FAT3: variants seen among roughly 807,000 people sequenced by gnomAD.
FAT3 encodes the protein FAT atypical cadherin 3.
Under a neutral mutation model 310.2 loss-of-function variants are expected in FAT3, and 95 were observed. The ratio of observed to expected loss-of-function variants is 0.31; its 90% CI spans 0.26 to 0.36. The LOEUF is 0.36. Among genes scored for constraint, FAT3 ranks in the 10% least tolerant of loss-of-function variants. The pLI, the probability that FAT3 is intolerant of heterozygous loss-of-function variation, is 1.00. For missense variants in FAT3, 5,408 were observed against 5,715.6 expected, an observed-to-expected ratio of 0.95 and a Z score of 1.74; for synonymous variants, 2,314 against 2,192.9, an observed-to-expected ratio of 1.06 and a Z score of -1.54.
At chr11:92,685,216 A>T (rs1008093098) in intron 3 of FAT3, among the ~76,000 whole-genome samples, 6 of 152,354 alleles carry the variant, frequency 3.9e-5, no homozygotes, top group African/African-American at 1.4e-4. Context: ...AAAAGTAAAA[A>T]CAAAAGAGGA....
chr11:92,225,570 C>T (rs927093206), intron 1 of FAT3, among the ~76,000 whole-genome samples: 7 of 152,074 alleles, frequency 4.6e-5, no homozygotes, highest in Non-Finnish European at 8.8e-5. Context: ...GCTTGGCAGC[C>T]GGTGCCTCTC....
At chr11:92,660,729 C>T (rs564650162) in intron 3 of FAT3, among the ~76,000 whole-genome samples, 35 of 152,272 alleles carry the variant, frequency 2.3e-4, no homozygotes, top group Non-Finnish European at 8.8e-5. Flanking sequence ...TGGACATGGC[C>T]TTTTCTTGTT....
At position 92,717,294 on chromosome 11, in the gene FAT3, G is replaced by A. The variant is rs78583519; in HGVS notation, c.3669+19849G>A. Among the ~76,000 whole-genome samples, 1,481 of 152,304 alleles carry A rather than the reference G, an allele frequency of 9.7e-3. 22 individuals are homozygous for A. The highest frequency in any genetic ancestry group is 0.034 in the African/African-American group (1,416 of 41,566). On this transcript the variant is annotated intron_variant, in intron 4 of 27. Coordinates refer to ENST00000525166, the MANE Select transcript of FAT3 (RefSeq NM_001367949.2). ...GGCATTTTGAGGACTAGGAAAAGTA[G>A]CAATATCCCTTGTTAAATAGACATG...
intron 2 of FAT3, among the ~76,000 whole-genome samples, chr11:92,382,443 C>T (rs1057414368): frequency 6.6e-6 from 1 of 152,108 alleles, no homozygotes; most frequent in Non-Finnish European, 1.5e-5. Flanking sequence ...CCTGCTGAGG[C>T]GCTGTCTCCC....
chr11:92,404,716 C>T (rs1030554000), intron 2 of FAT3, among the ~76,000 whole-genome samples: 3 of 151,872 alleles, frequency 2.0e-5, no homozygotes, highest in Non-Finnish European at 4.4e-5. Context: ...TGTGAGGATG[C>T]TTCTGAATAG....
intron 4 of FAT3, among the ~76,000 whole-genome samples, chr11:92,740,046 A>G (rs539791960): frequency 2.5e-3 from 388 of 152,306 alleles, no homozygotes; most frequent in Non-Finnish European, 4.0e-3. Context: ...GAATATATCC[A>G]TTAAGCACGA....
chr11:92,822,922 C>T (rs1948007795), intron 13 of FAT3, among the ~76,000 whole-genome samples: 3 of 152,166 alleles, frequency 2.0e-5, no homozygotes, highest in Admixed American at 6.5e-5. Flanking sequence ...ATTTGTAATG[C>T]CCTTTCTTCT....
At chr11:92,741,317 A>G (rs1483029492) in intron 4 of FAT3, among the ~76,000 whole-genome samples, 3 of 152,040 alleles carry the variant, frequency 2.0e-5, no homozygotes, top group Admixed American at 2.0e-4. Flanking sequence ...CTGGTGTTGA[A>G]CTACCACATA....
At position 92,353,700 on chromosome 11, in the gene FAT3, A is replaced by C; in HGVS notation, c.1588A>C (p.Thr530Pro). The change falls in exon 2 of 28, where the codon ACA becomes CCA. Residue 530 changes from threonine to proline, a missense_variant. Transcript: ENST00000525166. The stretch of plus-strand genomic sequence containing the variant: ...TAATCAGTTTACAGGTGTTATTAGC[A>C]CAACTGAAGAACTGGATTTTGAATC... ...VINQFTGVISTTEELDFESSP... is the reference protein window; with the variant it reads ...VINQFTGVISPTEELDFESSP... 2.5e-6 allele frequency: 4 copies of C among 1,613,956 alleles called. No homozygotes were observed. Among genetic ancestry groups the C allele is most frequent in the Non-Finnish European group, 3.4e-6 (4 of 1,179,878 alleles).
intron 2 of FAT3, among the ~76,000 whole-genome samples, chr11:92,463,666 G>C (rs138988179): frequency 1.3e-5 from 2 of 152,032 alleles, no homozygotes; most frequent in Non-Finnish European, 2.9e-5. Flanking sequence ...AGACTCACTG[G>C]ATCAGCTGTT....
At chr11:92,374,030 GGAGAGAGAGA>G (rs58680206) in intron 2 of FAT3, among the ~76,000 whole-genome samples, 2 of 142,136 alleles carry the variant, frequency 1.4e-5, no homozygotes, top group African/African-American at 5.3e-5. Context: ...ACAGAGAGAG[GGAGAGAGAGA>G]GAGAGAGAGA....
At chr11:92,761,573 T>C (rs1946152323) in intron 4 of FAT3, among the ~76,000 whole-genome samples, 1 of 152,192 alleles carries the variant, frequency 6.6e-6, no homozygotes, top group Non-Finnish European at 1.5e-5. Context: ...CTCTAGTGTT[T>C]CTTTGTCTTT....
chr11:92,316,816 T>C (rs1169858443), intron 1 of FAT3, among the ~76,000 whole-genome samples: 1 of 152,182 alleles, frequency 6.6e-6, no homozygotes, highest in Non-Finnish European at 1.5e-5. Context: ...CTCAGTAAAC[T>C]ATTTAATAGC....
intron 1 of FAT3, among the ~76,000 whole-genome samples, chr11:92,283,250 T>C (rs1022085378): frequency 6.6e-6 from 1 of 152,194 alleles, no homozygotes; most frequent in Non-Finnish European, 1.5e-5. Context: ...CTGAGACTTA[T>C]TAGTCAGTGA....
intron 4 of FAT3, among the ~76,000 whole-genome samples, chr11:92,730,220 C>G (rs1027383338): frequency 6.6e-6 from 1 of 152,054 alleles, no homozygotes; most frequent in Non-Finnish European, 1.5e-5. Context: ...TGCCTGTAGT[C>G]CTAGCTACTC....
intron 4 of FAT3, chr11:92,748,957 T>C (rs1393839462): frequency 6.6e-6 from 1 of 152,202 alleles, no homozygotes; most frequent in African/African-American, 2.4e-5. Flanking sequence ...AGCACTTGTC[T>C]TCCCAGGAAT....
intron 2 of FAT3, among the ~76,000 whole-genome samples, chr11:92,437,845 C>A (rs1313110924): frequency 7.2e-5 from 11 of 152,082 alleles, no homozygotes; most frequent in Non-Finnish European, 4.4e-5. Flanking sequence ...AGATTTCAAT[C>A]ATTAGTCTGG....
chr11:92,700,136 G>T (rs1944054104), intron 4 of FAT3, among the ~76,000 whole-genome samples: 1 of 152,180 alleles, frequency 6.6e-6, no homozygotes. Flanking sequence ...CCATGATAGT[G>T]CCTGAAAGCG....
chr11:92,809,820 C>G (rs1184270050), intron 12 of FAT3, 23 bp from the exon 13 acceptor site: 3 of 1,585,890 alleles, frequency 1.9e-6, no homozygotes, highest in Non-Finnish European at 2.6e-6. Flanking sequence ...TCAGACCAAT[C>G]ATGCTGCCAT....
Sources: allele counts gnomAD v4.1 joint callset (sites outside exome capture counted in the v4.1 genomes callset), GRCh38; gene constraint gnomAD v4.1.1; transcripts MANE v1.5; gene names NCBI Gene and HGNC (gene_info 2026-07-23, HGNC 2026-07-21).